WDFY4: variants seen among roughly 807,000 people sequenced by gnomAD.
WDFY4 encodes the protein WD repeat- and FYVE domain-containing protein 4.
In WDFY4, 169 loss-of-function variants were observed where a neutral mutation model predicts 351.9. The ratio of observed to expected loss-of-function variants is 0.48; its 90% CI spans 0.42 to 0.55. The LOEUF (loss-of-function observed/expected upper bound fraction) is 0.55. Ranked by LOEUF, WDFY4 falls within the 20% of genes least tolerant of loss-of-function variation. The pLI is 0.00. For synonymous variants in WDFY4, 1,622 were observed against 1,574.6 expected (o/e 1.03, Z -0.71); for missense variants, 3,803 against 3,935.6 (o/e 0.97, Z 0.90).
rs568417953 is a variant in WDFY4, at chr10:48,978,694, G to T, written c.9376+301G>T. 18 of 286,810 alleles carry T rather than the reference G, an allele frequency of 6.3e-5. No homozygotes were observed. The East Asian group carries it at 1.1e-3, about 17-fold the overall frequency. The allele number at this position is 286,810 out of a possible 1,614,324, so 17.8% of individuals were successfully genotyped here. A position where few individuals can be genotyped will look rare whatever the true frequency, so the allele number is the denominator to read the frequency against. On this transcript the variant is annotated intron_variant, in intron 60 of 61. Coordinates refer to ENST00000325239, the MANE Select transcript of WDFY4 (RefSeq NM_001394531.1). ...AGGTACAAACCTCCCCATCAAAGCT[G>T]TTACCGCATCACATCCATCACAGCT...
chr10:48,695,201 A>G (rs1266569083), intron 1 of WDFY4, among the ~76,000 whole-genome samples: 2 of 152,222 alleles, frequency 1.3e-5, no homozygotes, highest in East Asian at 3.9e-4. Context: ...TGAGGCTCCC[A>G]GGGATCTGCT....
rs770791839 is a variant in WDFY4, at chr10:48,786,777, C to T, written c.3715C>T (p.Leu1239Phe). The T allele has an allele frequency of 9.7e-6, 15 of 1,552,228 alleles. No homozygotes were observed. The African/African-American group carries it at 1.4e-4, about 14-fold the overall frequency. ...SLIWRLGPTY[L>F]FEEAISMETL... The stretch of plus-strand genomic sequence containing the variant: ...AATCTGGCGTCTTGGCCCCACATAC[C>T]TCTTTGAAGAAGCCATTTCAATGGA... The change falls in exon 20 of 62, where the codon CTC becomes TTC. Residue 1239 changes from leucine (L) to phenylalanine (F), a missense_variant. Physicochemically the swap from Leu to Phe is conservative, Grantham distance 22. Coordinates refer to ENST00000325239, the MANE Select transcript of WDFY4 (RefSeq NM_001394531.1).
intron 36 of WDFY4, among the ~76,000 whole-genome samples, chr10:48,827,891 G>GT (rs66593679): frequency 6.9e-4 from 102 of 147,706 alleles, no homozygotes; most frequent in South Asian, 1.3e-3. Context: ...ATTTGGGGAA[G>GT]TTTTTTTTTT....
At position 48,731,513 on chromosome 10, in the gene WDFY4, C is replaced by T. The variant is rs760957125; in HGVS notation, c.1533C>T (p.Gly511=). Residue 511 remains glycine (G), a synonymous_variant, in exon 9 of 62, where the codon GGC becomes GGT. Transcript: ENST00000325239. ...TCTTCCGGGACTCAGGGCTCCTGGG[C>T]CTGCTACTGGCACAGCTTCGGAAGC... ...TDIFRDSGLL[G]LLLAQLRKQA... 37 of 1,551,504 alleles carry T rather than the reference C, an allele frequency of 2.4e-5. No homozygotes were observed. In the East Asian group the frequency reaches 8.1e-4, roughly 34 times the overall value.
chr10:48,729,660 C>T (rs2064388422), intron 8 of WDFY4, 71 bp downstream of exon 8: 7 of 1,510,776 alleles, frequency 4.6e-6, no homozygotes, highest in Non-Finnish European at 6.2e-6. Flanking sequence ...AGAGGGTCTT[C>T]TCCTGATTCT....
At chr10:48,722,217 T>A (rs2064113805) in intron 4 of WDFY4, among the ~76,000 whole-genome samples, 1 of 152,198 alleles carries the variant, frequency 6.6e-6, no homozygotes, top group Non-Finnish European at 1.5e-5. Flanking sequence ...GAGGACCTCC[T>A]GACACTTCTT....
rs775947261 is a variant in WDFY4 at position 48,776,846 on chromosome 10, G to T, written c.2960G>T (p.Gly987Val). ...PGVTQAPQPLGESQDSTTALQ... is the reference protein window; with the variant it reads ...PGVTQAPQPLVESQDSTTALQ... ...GTCACACAGGCCCCGCAGCCCTTGG[G>T]GGAATCCCAGGATTCAACTACTGCT... Residue 987 changes from glycine (G) to valine (V), a missense_variant, in exon 16 of 62, where the codon GGG (glycine) becomes GTG (valine). Physicochemically the swap from Gly to Val is moderately radical, Grantham distance 109. Around this residue, in one of 3 missense-constraint regions of WDFY4, gnomAD observed 3,054 missense variants for 3,148.6 expected, o/e 0.97. Coordinates refer to ENST00000325239, the MANE Select transcript of WDFY4 (RefSeq NM_001394531.1). 3.9e-5 allele frequency: 60 copies of T among 1,551,590 alleles called. No individual in the cohort carries two copies. Among genetic ancestry groups the T allele is most frequent in the Non-Finnish European group, 5.1e-5 (59 of 1,147,014 alleles).
At chr10:48,925,552 A>C (rs555438523) in intron 47 of WDFY4, among the ~76,000 whole-genome samples, 1 of 152,316 alleles carries the variant, frequency 6.6e-6, no homozygotes, top group South Asian at 2.1e-4. Context: ...GTATAAACAT[A>C]AAGTGTTTTC....
At chr10:48,968,911 GTCAC>G (rs1264042447) in intron 55 of WDFY4, 149 bp from the exon 56 acceptor site, 2 of 734,634 alleles carry the variant, frequency 2.7e-6, no homozygotes, top group Non-Finnish European at 4.4e-6. Context: ...GTGTCTGCCT[GTCAC>G]TCCTGCCCAG....
At chr10:48,934,301 C>T (rs1028217848) in intron 47 of WDFY4, among the ~76,000 whole-genome samples, 13 of 152,176 alleles carry the variant, frequency 8.5e-5, no homozygotes, top group African/African-American at 3.1e-4. Context: ...AATGAGGTTC[C>T]TCCCTCTGTA....
At position 48,778,782 on chromosome 10, in the gene WDFY4, A is replaced by T; in HGVS notation, c.3347A>T (p.Asp1116Val). 1.3e-6 allele frequency: 2 copies of T among 1,551,586 alleles called. No homozygotes were observed. Among genetic ancestry groups the T allele is most frequent in the Non-Finnish European group, 1.7e-6 (2 of 1,147,034 alleles). ...FVCFSVSLCP[D>V]DLSLVVSTEE... ...TGCTTCTCCGTCAGCCTCTGCCCAG[A>T]CGACCTCTCCTTGGTTGTTTCTACA... Residue 1116 changes from aspartate to valine, a missense_variant, in exon 18 of 62, where the codon GAC (aspartate) becomes GTC (valine). By Grantham distance (152) the Asp-to-Val change is radical (BLOSUM62 -3). Transcript: ENST00000325239.
In WDFY4 at chr10:48,786,826, T is replaced by A; in HGVS notation, c.3764T>A (p.Leu1255His). 6.4e-7 allele frequency: 1 copy of A among 1,552,234 alleles called. No individual in the cohort carries two copies. ...GAAACTCTGGAAGTTATTAACAAAC[T>A]TGGCCCAAGATATTGTGGTAACTTC... ...SMETLEVINK[L>H]GPRYCGNFQA... Residue 1255 changes from leucine to histidine, a missense_variant, in exon 20 of 62, where the codon CTT becomes CAT. This residue lies in a region of WDFY4 where 3,054 missense variants were observed against 3,148.6 expected (regional missense o/e 0.97). Coordinates refer to ENST00000325239, the MANE Select transcript of WDFY4 (RefSeq NM_001394531.1).
At chr10:48,811,828 G>A in intron 30 of WDFY4, 120 bp downstream of exon 30, 1 of 1,061,546 alleles carries the variant, frequency 9.4e-7, no homozygotes, top group Non-Finnish European at 1.3e-6. Flanking sequence ...CAGATGGGGT[G>A]CTGGCCCACT....
chr10:48,705,183 T>A (rs1247164232), intron 1 of WDFY4, among the ~76,000 whole-genome samples: 1 of 152,184 alleles, frequency 6.6e-6, no homozygotes, highest in Non-Finnish European at 1.5e-5. Context: ...TGAGCTCAAG[T>A]TCCCACAGTG....
chr10:48,788,610 A>G lies in WDFY4; in HGVS notation c.3889A>G (p.Ile1297Val). The G allele has an allele frequency of 1.3e-6, 2 of 1,551,826 alleles. No homozygotes were observed. The highest frequency in any genetic ancestry group is 2.4e-5 in the East Asian group (1 of 40,928). ...TGGACTTCACATAGCCAGCTCCTCT[A>G]TCACCAGTGTAGCGGACATCAGAAA... ...SFGLHIASSS[I>V]TSVADIRNAY... is the part of the protein sequence containing the mutation. Residue 1297 changes from isoleucine to valine, a missense_variant, in exon 21 of 62, where the codon ATC becomes GTC. Coordinates refer to ENST00000325239, the MANE Select transcript of WDFY4 (RefSeq NM_001394531.1).
intron 47 of WDFY4, among the ~76,000 whole-genome samples, chr10:48,906,653 G>A (rs1837630827): frequency 6.6e-6 from 1 of 152,242 alleles, no homozygotes; most frequent in Non-Finnish European, 1.5e-5. Flanking sequence ...GGCAGGAACT[G>A]CAGGGAAAGG....
intron 43 of WDFY4, chr10:48,878,479 C>G (rs1193260130): frequency 6.6e-6 from 1 of 152,246 alleles, no homozygotes. Flanking sequence ...TTGCTGTTTT[C>G]AGATTTGGGT....
At chr10:48,735,839 TC>T (rs1291974571) in intron 10 of WDFY4, 40 bp from the exon 11 acceptor site, 1 of 1,471,838 alleles carries the variant, frequency 6.8e-7, no homozygotes, top group Admixed American at 2.1e-5. Context: ...GTGGCAAGCT[TC>T]CCCCTTGCCC....
intron 11 of WDFY4, among the ~76,000 whole-genome samples, chr10:48,736,833 G>A (rs2064683850): frequency 6.6e-6 from 1 of 152,212 alleles, no homozygotes; most frequent in African/African-American, 2.4e-5. Flanking sequence ...GAACCTGTGA[G>A]CTGTGAAAAA....
Sources: allele counts gnomAD v4.1 joint callset (sites outside exome capture counted in the v4.1 genomes callset), GRCh38; gene constraint gnomAD v4.1.1; regional missense constraint gnomAD v4.1.1; transcripts MANE v1.5; gene names NCBI Gene and HGNC (gene_info 2026-07-23, HGNC 2026-07-21).